The following WDR72 variants were observed in gnomAD, a reference collection of about 807,000 sequenced individuals.
The protein encoded by WDR72 is WD repeat domain 72.
A neutral mutation model predicts 124.2 loss-of-function variants in WDR72; 120 were observed. The observed-to-expected ratio is 0.97, with a 90% CI of 0.83 to 1.12. The LOEUF is 1.12. Among genes scored for constraint, WDR72 ranks in the 50% most tolerant of loss-of-function variants. The pLI, the probability that WDR72 is intolerant of heterozygous loss-of-function variation, is 0.00. For missense variants in WDR72, 1,387 were observed against 1,278.8 expected (o/e 1.08, Z -1.29); for synonymous variants, 452 against 441.7 (o/e 1.02, Z -0.29).
intron 19 of WDR72, among the ~76,000 whole-genome samples, chr15:53,520,494 T>A (rs930320853): frequency 6.6e-6 from 1 of 152,048 alleles, no homozygotes; most frequent in African/African-American, 2.4e-5. Flanking sequence ...TTAAATGCAC[T>A]CTTTTCCATA....
At chr15:53,681,134 A>G (rs2016367534) in intron 13 of WDR72, among the ~76,000 whole-genome samples, 1 of 152,228 alleles carries the variant, frequency 6.6e-6, no homozygotes, top group Non-Finnish European at 1.5e-5. Flanking sequence ...AATCAAGTGC[A>G]TCCAGTATCC....
At chr15:53,683,856 T>A (rs976043575) in intron 13 of WDR72, among the ~76,000 whole-genome samples, 6 of 152,092 alleles carry the variant, frequency 3.9e-5, no homozygotes, top group African/African-American at 1.4e-4. Context: ...TTTTCACTTA[T>A]ACTTCCCAAC....
intron 17 of WDR72, among the ~76,000 whole-genome samples, chr15:53,608,126 T>C (rs1200785624): frequency 6.6e-6 from 1 of 152,176 alleles, no homozygotes; most frequent in Admixed American, 6.5e-5. Flanking sequence ...AGATCTACCA[T>C]ATGATACAGC....
intron 13 of WDR72, among the ~76,000 whole-genome samples, chr15:53,667,566 A>T (rs2015823332): frequency 6.6e-6 from 1 of 152,188 alleles, no homozygotes; most frequent in Non-Finnish European, 1.5e-5. Flanking sequence ...AAAGCTTCAC[A>T]AACCAAAGAT....
intron 11 of WDR72, among the ~76,000 whole-genome samples, chr15:53,704,626 C>T (rs570713402): frequency 3.4e-4 from 51 of 150,426 alleles, no homozygotes; most frequent in Admixed American, 1.6e-3. Context: ...CCCAGGTTCA[C>T]GCCATTCTCC....
intron 6 of WDR72, among the ~76,000 whole-genome samples, chr15:53,713,822 G>C (rs965057499): frequency 6.6e-6 from 1 of 152,144 alleles, no homozygotes; most frequent in East Asian, 1.9e-4. Flanking sequence ...ACATAGAATA[G>C]TACGTTCTCA....
intron 18 of WDR72, among the ~76,000 whole-genome samples, chr15:53,573,074 A>C (rs1210173919): frequency 6.6e-6 from 1 of 152,188 alleles, no homozygotes; most frequent in Non-Finnish European, 1.5e-5. Context: ...GATTCCAAAC[A>C]GTGCCATTCA....
intron 14 of WDR72, among the ~76,000 whole-genome samples, chr15:53,625,663 G>C (rs1182303893): frequency 6.6e-6 from 1 of 152,124 alleles, no homozygotes; most frequent in East Asian, 1.9e-4. Context: ...CAGATGGCTG[G>C]CAGGCCAAAA....
intron 18 of WDR72, among the ~76,000 whole-genome samples, chr15:53,554,438 G>T (rs1021307706): frequency 2.6e-5 from 4 of 152,104 alleles, no homozygotes; most frequent in Admixed American, 6.5e-5. Context: ...GCCAAAGCTG[G>T]TTCAGTTGGT....
intron 18 of WDR72, among the ~76,000 whole-genome samples, chr15:53,525,389 T>C (rs1406887931): frequency 1.3e-5 from 2 of 152,094 alleles, no homozygotes; most frequent in Non-Finnish European, 2.9e-5. Flanking sequence ...CTCTATTGAT[T>C]TGGGCAAATG....
At chr15:53,598,130 T>G (rs1023698553) in intron 17 of WDR72, among the ~76,000 whole-genome samples, 1 of 152,058 alleles carries the variant, frequency 6.6e-6, no homozygotes, top group Non-Finnish European at 1.5e-5. Context: ...GGAGCTGAAT[T>G]AGGGAGAGAA....
At chr15:53,762,019 C>CT (rs532377261), upstream of WDR72, among the ~76,000 whole-genome samples, 280 of 147,390 alleles carry the variant, frequency 1.9e-3, 2 homozygotes, top group African/African-American at 6.3e-3. Context: ...GGAGACACTG[C>CT]TTTTTTTTTT....
chr15:53,609,721 C>A, intron 16 of WDR72, 129 bp from the exon 17 acceptor site: 1 of 755,004 alleles, frequency 1.3e-6, no homozygotes, highest in Non-Finnish European at 2.3e-6. Flanking sequence ...CAGGTTCAAT[C>A]TTCCAGAGAT....
rs529823243 is a variant in WDR72, at chr15:53,517,394, G to A, written c.*305C>T. The A allele has an allele frequency of 2.8e-5, 10 of 359,170 alleles. No individual in the cohort carries two copies. The East Asian group carries it at 5.4e-4, about 19-fold the overall frequency. The allele number at this position is 359,170 out of a possible 1,614,324, so 22.2% of individuals were successfully genotyped here. On this transcript the variant is annotated 3_prime_UTR_variant, in exon 20 of 20. Transcript: ENST00000360509. ...GAAAATTTAAAGCAGTATTAAATTT[G>A]TGTCTGTGGACTGGCATTCCCTGTT... is the stretch of plus-strand genomic sequence containing the variant.
At chr15:53,716,805 T>C (rs1302440473) in intron 3 of WDR72, 120 bp from the exon 4 acceptor site, 1 of 743,208 alleles carries the variant, frequency 1.3e-6, no homozygotes, top group African/African-American at 1.7e-5. Flanking sequence ...TTGTTACAGA[T>C]TTTGGGCAAG....
At chr15:53,560,997 T>C (rs1401181725) in intron 18 of WDR72, among the ~76,000 whole-genome samples, 5 of 151,854 alleles carry the variant, frequency 3.3e-5, no homozygotes, top group African/African-American at 1.2e-4. Context: ...CTAAAGATAT[T>C]ATTACCACAG....
intron 15 of WDR72, 130 bp downstream of exon 15, chr15:53,615,296 C>T: frequency 5.9e-6 from 4 of 677,062 alleles, no homozygotes; most frequent in South Asian, 2.5e-5. Context: ...TTTTTTAAAC[C>T]AGAAATTGTT....
chr15:53,689,800 A>G (rs2016775242), intron 13 of WDR72, among the ~76,000 whole-genome samples: 1 of 152,034 alleles, frequency 6.6e-6, no homozygotes, highest in South Asian at 2.1e-4. Context: ...ACAATAGCAA[A>G]GACTTGGAAC....
intron 18 of WDR72, among the ~76,000 whole-genome samples, chr15:53,549,416 T>C (rs762020702): frequency 6.6e-6 from 1 of 152,190 alleles, no homozygotes; most frequent in African/African-American, 2.4e-5. Flanking sequence ...TGTTGACATA[T>C]ATATACTTTA....
Sources: gnomAD v4.1 joint callset for allele counts (sites outside exome capture counted in the v4.1 genomes callset) on GRCh38, gnomAD v4.1.1 for gene constraint, MANE v1.5 for transcripts, NCBI Gene and HGNC (gene_info 2026-07-23, HGNC 2026-07-21) for gene names.